Variants in EGFR observed in about 807,000 individuals in gnomAD.
EGFR encodes epidermal growth factor receptor.
Under a neutral mutation model 143.0 loss-of-function variants are expected in EGFR, and 58 were observed. The ratio of observed to expected loss-of-function variants is 0.41; its 90% confidence interval spans 0.33 to 0.50. EGFR has a LOEUF of 0.50. Among genes scored for constraint, EGFR ranks in the 20% least tolerant of loss-of-function variants. The probability of loss-of-function intolerance (pLI) is 0.39; values close to 1 mark genes in which losing one functional copy is unlikely to be tolerated. For missense variants in EGFR, 1,307 were observed against 1,579.0 expected (o/e 0.83, Z 2.92); for synonymous variants, 613 against 594.4 (o/e 1.03, Z -0.45).
chr7:55,158,390 C>T (rs926171388), intron 11 of EGFR, among the ~76,000 whole-genome samples: 21 of 152,058 alleles, frequency 1.4e-4, no homozygotes, highest in African/African-American at 4.8e-4. Context: ...AACTGCTGCC[C>T]CTACTTGACT....
At chr7:55,045,979 TTGAAA>T (rs1788155830) in intron 1 of EGFR, among the ~76,000 whole-genome samples, 1 of 152,236 alleles carries the variant, frequency 6.6e-6, no homozygotes, top group Admixed American at 6.5e-5. Context: ...TAATTACATG[TTGAAA>T]TGAAAATATT....
At chr7:55,067,966 G>A (rs550625947) in intron 1 of EGFR, among the ~76,000 whole-genome samples, 3 of 151,192 alleles carry the variant, frequency 2.0e-5, no homozygotes, top group Non-Finnish European at 2.9e-5. Flanking sequence ...ATGTGTGTAC[G>A]TGTGTACGTG....
intron 1 of EGFR, among the ~76,000 whole-genome samples, chr7:55,069,862 AATC>A (rs1462971269): frequency 6.6e-6 from 1 of 152,284 alleles, no homozygotes; most frequent in Admixed American, 6.5e-5. Context: ...ATAACCCACT[AATC>A]ATCATTCTCT....
intron 1 of EGFR, among the ~76,000 whole-genome samples, chr7:55,060,186 T>C (rs532590104): frequency 6.6e-6 from 1 of 152,394 alleles, no homozygotes; most frequent in Admixed American, 6.5e-5. Flanking sequence ...TACAGTTTTA[T>C]ATGCATTTAA....
intron 1 of EGFR, among the ~76,000 whole-genome samples, chr7:55,063,616 C>T (rs1789327664): frequency 6.6e-6 from 1 of 152,188 alleles, no homozygotes; most frequent in South Asian, 2.1e-4. Context: ...GAGATGGGGC[C>T]ATCTTGAATC....
chr7:55,085,379 G>A (rs545512072), intron 1 of EGFR, among the ~76,000 whole-genome samples: 2 of 152,296 alleles, frequency 1.3e-5, no homozygotes, highest in South Asian at 4.1e-4. Flanking sequence ...TTTTTCCAGG[G>A]GAGGCAGCAT....
chr7:55,051,718 CTT>C (rs1788500901), intron 1 of EGFR, among the ~76,000 whole-genome samples: 2 of 152,186 alleles, frequency 1.3e-5, no homozygotes, highest in Non-Finnish European at 2.9e-5. Flanking sequence ...TTAAAGGAAA[CTT>C]TTCAAGAGCA....
rs922214137 is a variant in EGFR at position 55,174,091 on chromosome 7, T to C, written c.2184+48T>C. The C allele has an allele frequency of 5.0e-6, 8 of 1,612,990 alleles. No homozygotes were observed. The African/African-American group carries it at 8.0e-5, about 16-fold the overall frequency. ...CTGGGCTGGGCCGCAGGGCCTCTCA[T>C]GGTCTGGTGGGGAGCCCAGAGTCCT... On this transcript the variant is annotated intron_variant, in intron 18 of 27. Transcript: ENST00000275493.
At chr7:55,078,561 C>A (rs2128888443) in intron 1 of EGFR, among the ~76,000 whole-genome samples, 1 of 152,314 alleles carries the variant, frequency 6.6e-6, no homozygotes, top group South Asian at 2.1e-4. Flanking sequence ...CTGCGTCCTT[C>A]CGCACGTGCA....
chr7:55,036,599 A>G (rs1248218819), intron 1 of EGFR, among the ~76,000 whole-genome samples: 2 of 152,212 alleles, frequency 1.3e-5, no homozygotes, highest in East Asian at 1.9e-4. Flanking sequence ...CTAAGATTTT[A>G]TTAGAAAATT....
chr7:55,183,609 A>C (rs1345315303), intron 20 of EGFR, among the ~76,000 whole-genome samples: 1 of 152,182 alleles, frequency 6.6e-6, no homozygotes, highest in Admixed American at 6.5e-5. Flanking sequence ...CCTGACCTGG[A>C]ACCCAGACCT....
chr7:55,204,262 A>ACACACACCACACATACATACACATC (rs1788003083), intron 27 of EGFR, among the ~76,000 whole-genome samples: 1 of 149,192 alleles, frequency 6.7e-6, no homozygotes, highest in Non-Finnish European at 1.5e-5. Flanking sequence ...TACACACCAC[A>ACACACACCACACATACATACACATC]CACACACCAC....
intron 5 of EGFR, 155 bp from the exon 6 acceptor site, chr7:55,152,391 A>G (rs1429583316): frequency 1.3e-6 from 1 of 795,808 alleles, no homozygotes; most frequent in East Asian, 2.4e-5. Flanking sequence ...GGCAATCAGA[A>G]AAGGGCATGG....
chr7:55,127,981 TG>T (rs745907807), intron 1 of EGFR, among the ~76,000 whole-genome samples: 3 of 152,198 alleles, frequency 2.0e-5, no homozygotes, highest in Non-Finnish European at 2.9e-5. Flanking sequence ...TCAGATTGAA[TG>T]GGGCAGCCAG....
At chr7:55,200,571 A>G (rs2128970376) in intron 24 of EGFR, 158 bp downstream of exon 24, 1 of 743,456 alleles carries the variant, frequency 1.3e-6, no homozygotes, top group Non-Finnish European at 2.3e-6. Context: ...GGCGCAGGCC[A>G]CATCGTGAAC....
chr7:55,030,097 T>A lies in EGFR; in HGVS notation c.88+10732T>A, dbSNP rs1479685415. 2.6e-5 allele frequency among the ~76,000 whole-genome samples: 4 copies of A among 152,206 alleles called. No individual in the cohort carries two copies. In the South Asian group the frequency reaches 8.3e-4, roughly 32 times the overall value. On this transcript the variant is annotated intron_variant, in intron 1 of 27. Transcript: ENST00000275493. ...CCCAGGCTCAGAGCGATTCTGCTGT[T>A]GTCCGTAATCACCAGGCTGGTGATC...
chr7:55,079,059 C>A (rs1264457115), intron 1 of EGFR, among the ~76,000 whole-genome samples: 2 of 152,236 alleles, frequency 1.3e-5, no homozygotes, highest in Non-Finnish European at 2.9e-5. Context: ...GTGGGCCGGG[C>A]AGGCAGCAGG....
intron 1 of EGFR, among the ~76,000 whole-genome samples, chr7:55,036,252 G>A (rs1281545843): frequency 9.1e-6 from 1 of 110,404 alleles, no homozygotes; most frequent in East Asian, 2.9e-4. Context: ...GATCACAAGT[G>A]GTCAAGTTTG....
intron 1 of EGFR, among the ~76,000 whole-genome samples, chr7:55,107,839 G>A (rs758076261): frequency 7.9e-5 from 12 of 152,118 alleles, no homozygotes; most frequent in Non-Finnish European, 2.9e-5. Flanking sequence ...CAAAAGACAC[G>A]CCTACTTGTA....
Sources: gnomAD v4.1 joint callset for allele counts (sites outside exome capture counted in the v4.1 genomes callset) on GRCh38, gnomAD v4.1.1 for gene constraint, MANE v1.5 for transcripts, NCBI Gene and HGNC (gene_info 2026-07-23, HGNC 2026-07-21) for gene names.